The following CNTN4 variants were observed in gnomAD, a reference collection of about 807,000 sequenced individuals.
The protein encoded by CNTN4 is contactin-4.
Under a neutral mutation model 122.5 loss-of-function variants are expected in CNTN4, and 77 were observed. That is an observed-to-expected ratio of 0.63 (90% CI 0.52 to 0.76). CNTN4 has a LOEUF of 0.76. Ranked by LOEUF, CNTN4 falls within the 30% of genes least tolerant of loss-of-function variation. The probability of loss-of-function intolerance (pLI) is 0.00; values close to 1 mark genes in which losing one functional copy is unlikely to be tolerated. For missense variants in CNTN4, 1,256 were observed against 1,259.1 expected (o/e 1.00, Z 0.04); for synonymous variants, 512 against 447.0 (o/e 1.15, Z -1.83).
intron 2 of CNTN4, among the ~76,000 whole-genome samples, chr3:2,242,131 T>C (rs551842320): frequency 3.9e-5 from 6 of 152,146 alleles, no homozygotes; most frequent in Admixed American, 1.3e-4. Context: ...TAATAACTTT[T>C]AAAATTAAGG....
chr3:2,153,360 T>C (rs1271543040), intron 2 of CNTN4, among the ~76,000 whole-genome samples: 1 of 152,156 alleles, frequency 6.6e-6, no homozygotes, highest in Non-Finnish European at 1.5e-5. Flanking sequence ...ATGAAATGGA[T>C]GAAAACAATA....
intron 7 of CNTN4, among the ~76,000 whole-genome samples, chr3:2,844,017 TC>T (rs1223979621): frequency 6.6e-6 from 1 of 152,128 alleles, no homozygotes; most frequent in Non-Finnish European, 1.5e-5. Context: ...CGTCATTATG[TC>T]CCCACAACCC....
chr3:2,457,972 G>A (rs768656675), intron 3 of CNTN4, among the ~76,000 whole-genome samples: 2 of 151,964 alleles, frequency 1.3e-5, no homozygotes, highest in Non-Finnish European at 2.9e-5. Context: ...GAAGCGTGTT[G>A]GAAAGATTCC....
intron 4 of CNTN4, among the ~76,000 whole-genome samples, chr3:2,669,176 C>T (rs1368850359): frequency 6.6e-6 from 1 of 152,146 alleles, no homozygotes; most frequent in Non-Finnish European, 1.5e-5. Flanking sequence ...GTACCAGCTC[C>T]TCCTTGTACC....
intron 14 of CNTN4, among the ~76,000 whole-genome samples, chr3:3,007,673 G>A (rs1696792002): frequency 6.6e-6 from 1 of 152,286 alleles, no homozygotes; most frequent in East Asian, 1.9e-4. Context: ...GAATACCAGT[G>A]TGGTAAAATA....
chr3:2,646,451 C>T (rs1485023263), intron 4 of CNTN4, among the ~76,000 whole-genome samples: 2 of 152,064 alleles, frequency 1.3e-5, no homozygotes, highest in Non-Finnish European at 2.9e-5. Context: ...GTATTTTTAC[C>T]TCGTATAATC....
chr3:2,787,157 A>G (rs780821131), intron 6 of CNTN4, among the ~76,000 whole-genome samples: 4 of 152,270 alleles, frequency 2.6e-5, no homozygotes, highest in Non-Finnish European at 5.9e-5. Flanking sequence ...CGGGTGGATC[A>G]CCTGAGGTCA....
At chr3:2,292,203 A>G (rs2042160260) in intron 2 of CNTN4, among the ~76,000 whole-genome samples, 1 of 152,062 alleles carries the variant, frequency 6.6e-6, no homozygotes, top group Admixed American at 6.5e-5. Context: ...GCAACAGATT[A>G]TTTTTCTTCT....
At chr3:2,332,378 T>C (rs1380642766) in intron 2 of CNTN4, among the ~76,000 whole-genome samples, 1 of 151,818 alleles carries the variant, frequency 6.6e-6, no homozygotes, top group African/African-American at 2.4e-5. Context: ...AGATAAAGAG[T>C]CTTTTATATT....
At chr3:2,437,445 C>A (rs1314699056) in intron 3 of CNTN4, among the ~76,000 whole-genome samples, 1 of 152,024 alleles carries the variant, frequency 6.6e-6, no homozygotes, top group African/African-American at 2.4e-5. Context: ...ATGTAAAGCC[C>A]TTTATATTGT....
At chr3:2,360,209 G>T (rs2045067724) in intron 3 of CNTN4, among the ~76,000 whole-genome samples, 2 of 152,166 alleles carry the variant, frequency 1.3e-5, no homozygotes, top group Non-Finnish European at 2.9e-5. Flanking sequence ...GATTGCAAGA[G>T]AAATCTATTC....
intron 3 of CNTN4, among the ~76,000 whole-genome samples, chr3:2,391,157 A>C (rs947766283): frequency 3.3e-5 from 5 of 152,206 alleles, no homozygotes; most frequent in South Asian, 2.1e-4. Flanking sequence ...GAATCCGAGA[A>C]GCACCTTTGT....
Position 2,941,924 on chromosome 3 carries a change from G to A in CNTN4, c.1358+16145G>A, listed in dbSNP as rs532303418. On this transcript the variant is annotated intron_variant, in intron 13 of 24. Coordinates refer to ENST00000418658, the MANE Select transcript of CNTN4 (RefSeq NM_175607.3). The stretch of plus-strand genomic sequence containing the variant: ...CTGTACGTGCCAGAGGTCTGAGGCC[G>A]TGTATACCGCACTTCTCACTATAAC... Among the ~76,000 whole-genome samples, 7 of 152,254 alleles carry A rather than the reference G, an allele frequency of 4.6e-5. No individual in the cohort carries two copies. The East Asian group carries it at 5.8e-4, about 13-fold the overall frequency.
chr3:2,644,727 C>A (rs2083045213), intron 4 of CNTN4, among the ~76,000 whole-genome samples: 1 of 147,766 alleles, frequency 6.8e-6, no homozygotes, highest in Admixed American at 7.0e-5. Context: ...CCAAGAATCA[C>A]TGAAAATGGG....
chr3:2,402,866 A>G (rs1314048686), intron 3 of CNTN4, among the ~76,000 whole-genome samples: 1 of 152,160 alleles, frequency 6.6e-6, no homozygotes, highest in Non-Finnish European at 1.5e-5. Flanking sequence ...ACGCAGTACA[A>G]ATTGCTGTGA....
At chr3:2,513,183 G>T (rs945977030) in intron 3 of CNTN4, among the ~76,000 whole-genome samples, 1 of 152,148 alleles carries the variant, frequency 6.6e-6, no homozygotes, top group Non-Finnish European at 1.5e-5. Context: ...GAAATCTGAA[G>T]TAACGGCAAG....
intron 3 of CNTN4, among the ~76,000 whole-genome samples, chr3:2,347,778 G>A (rs1277739979): frequency 2.7e-5 from 4 of 148,042 alleles, no homozygotes; most frequent in Non-Finnish European, 6.0e-5. Context: ...AGCACTGCAC[G>A]GCTACTCCAA....
chr3:2,865,958 C>T (rs776791828), intron 7 of CNTN4, among the ~76,000 whole-genome samples: 1 of 152,204 alleles, frequency 6.6e-6, no homozygotes, highest in Non-Finnish European at 1.5e-5. Context: ...ATCACTATCT[C>T]ATATCCACTC....
chr3:2,673,771 C>CGT (rs2150401509), intron 4 of CNTN4, among the ~76,000 whole-genome samples: 1 of 152,022 alleles, frequency 6.6e-6, no homozygotes, highest in African/African-American at 2.4e-5. Context: ...CTTGATTTCC[C>CGT]GACCTCGTGA....
Sources: gnomAD v4.1 joint callset for allele counts (sites outside exome capture counted in the v4.1 genomes callset) on GRCh38, gnomAD v4.1.1 for gene constraint, MANE v1.5 for transcripts, NCBI Gene and HGNC (gene_info 2026-07-23, HGNC 2026-07-21) for gene names.